The following CUX1 variants were observed in gnomAD, a reference collection of about 807,000 sequenced individuals.
CUX1 encodes protein CASP.
A neutral mutation model predicts 158.8 loss-of-function variants in CUX1; 31 were observed. The ratio of observed to expected loss-of-function variants is 0.20; its 90% CI spans 0.15 to 0.26. CUX1 has a LOEUF of 0.26. Ranked by LOEUF, CUX1 falls within the 10% of genes least tolerant of loss-of-function variation. CUX1 has a pLI of 1.00. For missense variants in CUX1, 1,589 were observed against 2,014.6 expected, an observed-to-expected ratio of 0.79 and a Z score of 4.04; for synonymous variants, 879 against 862.1, an observed-to-expected ratio of 1.02 and a Z score of -0.34.
At chr7:102,146,693 G>A (rs1835060549) in intron 8 of CUX1, among the ~76,000 whole-genome samples, 1 of 152,004 alleles carries the variant, frequency 6.6e-6, no homozygotes, top group African/African-American at 2.4e-5. Context: ...CACCTCCCAG[G>A]TTCAAGCAAT....
At chr7:102,113,629 C>T (rs569163899) in intron 7 of CUX1, among the ~76,000 whole-genome samples, 1 of 152,012 alleles carries the variant, frequency 6.6e-6, no homozygotes, top group African/African-American at 2.4e-5. Flanking sequence ...ACAATCATAG[C>T]TCATTGCAGC....
intron 21 of CUX1, among the ~76,000 whole-genome samples, chr7:102,229,774 C>A (rs1340485379): frequency 6.6e-6 from 1 of 151,926 alleles, no homozygotes; most frequent in Admixed American, 6.6e-5. Flanking sequence ...CCCACCACCA[C>A]GCCTGGCTAA....
intron 1 of CUX1, among the ~76,000 whole-genome samples, chr7:101,847,447 A>G (rs1252154617): frequency 6.6e-6 from 1 of 152,102 alleles, no homozygotes; most frequent in Non-Finnish European, 1.5e-5. Flanking sequence ...GGCAGACAGC[A>G]CATCTGATTT....
intron 8 of CUX1, among the ~76,000 whole-genome samples, chr7:102,152,016 C>T (rs1183948591): frequency 4.0e-5 from 6 of 151,842 alleles, no homozygotes; most frequent in African/African-American, 9.7e-5. Flanking sequence ...AGACCAGCCT[C>T]GGCAACATAG....
In CUX1 at chr7:102,215,695, G is replaced by C. The variant is rs782245620; in HGVS notation, c.3130+10525G>C. On this transcript the variant is annotated intron_variant, in intron 20 of 23. Coordinates refer to ENST00000292535, the MANE Select transcript of CUX1 (RefSeq NM_181552.4). ...CGAAAATCTCAACTTGGTTCTGCCC[G>C]GGTCTTTGTAGGGCCAAGTGAGTTC... is the stretch of plus-strand genomic sequence containing the variant. Among the ~76,000 whole-genome samples the C allele has an allele frequency of 6.6e-5, 10 of 152,082 alleles. 1 individual carries two copies. The highest frequency in any genetic ancestry group is 6.6e-4 in the Admixed American group (10 of 15,260).
In CUX1 at chr7:102,249,142, C is replaced by G; in HGVS notation, c.*100C>G. ...CGGACACCGTGGCCTGGGCTTGGCC[C>G]GCGGCCTGCACCGACCCCGGGCCGG... On this transcript the variant is annotated 3_prime_UTR_variant, in exon 24 of 24. Transcript: ENST00000292535. 1 of 1,160,636 alleles carries G rather than the reference C, an allele frequency of 8.6e-7. No individual in the cohort carries two copies. The highest frequency in any genetic ancestry group is 1.1e-6 in the Non-Finnish European group (1 of 940,188). 71.9% of individuals were successfully genotyped at this position (1,160,636 alleles called of 1,614,324 possible).
At chr7:101,867,360 C>T (rs1268541332) in intron 1 of CUX1, among the ~76,000 whole-genome samples, 1 of 152,206 alleles carries the variant, frequency 6.6e-6, no homozygotes, top group Non-Finnish European at 1.5e-5. Context: ...CTGCCCCAGG[C>T]ATCAAGGGAG....
At chr7:102,143,846 G>A (rs1471809511) in intron 8 of CUX1, among the ~76,000 whole-genome samples, 2 of 151,770 alleles carry the variant, frequency 1.3e-5, no homozygotes, top group Non-Finnish European at 2.9e-5. Context: ...GCCGTGGTGC[G>A]ATCTCAGCTC....
chr7:102,113,759 T>A (rs1831177522), intron 7 of CUX1, among the ~76,000 whole-genome samples: 2 of 151,840 alleles, frequency 1.3e-5, no homozygotes, highest in Admixed American at 1.3e-4. Flanking sequence ...GGACATGGAG[T>A]CTCACTGTGT....
At chr7:102,099,366 T>C (rs1348622797) in intron 5 of CUX1, among the ~76,000 whole-genome samples, 5 of 152,110 alleles carry the variant, frequency 3.3e-5, no homozygotes, top group Non-Finnish European at 7.4e-5. Context: ...TACCTTCCCT[T>C]GTAGGAAGCA....
chr7:101,989,677 A>G (rs1814846342), intron 2 of CUX1, among the ~76,000 whole-genome samples: 1 of 152,158 alleles, frequency 6.6e-6, no homozygotes, highest in African/African-American at 2.4e-5. Flanking sequence ...GTTTGGGGGA[A>G]TTTTGAAGGT....
At chr7:102,088,589 G>C (rs528733783) in intron 4 of CUX1, among the ~76,000 whole-genome samples, 7 of 152,248 alleles carry the variant, frequency 4.6e-5, no homozygotes, top group East Asian at 3.9e-4. Flanking sequence ...AGCTGAGATC[G>C]TGCCGCTGCA....
intron 20 of CUX1, among the ~76,000 whole-genome samples, chr7:102,216,635 A>T (rs868968632): frequency 1.7e-5 from 1 of 58,858 alleles, no homozygotes; most frequent in Non-Finnish European, 3.6e-5. Flanking sequence ...ACACACCCCC[A>T]CACACGCACA....
Position 102,130,542 on chromosome 7 carries a change from G to A in CUX1, c.674+15269G>A, listed in dbSNP as rs1193493639. 7.2e-5 allele frequency among the ~76,000 whole-genome samples: 11 copies of A among 152,124 alleles called. No homozygotes were observed. The East Asian group carries it at 9.7e-4, about 13-fold the overall frequency. On this transcript the variant is annotated intron_variant, in intron 8 of 23. Transcript: ENST00000292535. ...CTAAAAACACAAAAATTAGCTGGGC[G>A]TGGTGACGGGAGCTTGTAATCCCAG... is the stretch of plus-strand genomic sequence containing the variant.
chr7:101,928,130 T>C (rs868645360), intron 2 of CUX1, among the ~76,000 whole-genome samples: 1 of 152,236 alleles, frequency 6.6e-6, no homozygotes, highest in Non-Finnish European at 1.5e-5. Flanking sequence ...ATTAGATTCA[T>C]GTGCCCTGGA....
intron 2 of CUX1, among the ~76,000 whole-genome samples, chr7:102,022,438 C>T (rs1352003888): frequency 6.6e-6 from 1 of 151,676 alleles, no homozygotes; most frequent in Non-Finnish European, 1.5e-5. Flanking sequence ...GGCAACATGG[C>T]GAAACCCCGT....
At chr7:101,833,240 A>G (rs78361636) in intron 1 of CUX1, among the ~76,000 whole-genome samples, 1 of 143,818 alleles carries the variant, frequency 7.0e-6, no homozygotes, top group African/African-American at 2.6e-5. Flanking sequence ...ATCTCTACAG[A>G]AAAAAAAAAA....
At chr7:102,164,315 G>A (rs116767259) in intron 9 of CUX1, among the ~76,000 whole-genome samples, 243 of 152,324 alleles carry the variant, frequency 1.6e-3, no homozygotes, top group African/African-American at 5.7e-3. Flanking sequence ...GAGCTACTGC[G>A]CCCGGCTTTG....
intron 2 of CUX1, among the ~76,000 whole-genome samples, chr7:101,950,505 T>G (rs1808933421): frequency 6.6e-6 from 1 of 152,198 alleles, no homozygotes; most frequent in Non-Finnish European, 1.5e-5. Flanking sequence ...TTAGGTACAT[T>G]CAGTGTTGTG....
Sources: gnomAD v4.1 joint callset for allele counts (sites outside exome capture counted in the v4.1 genomes callset) on GRCh38, gnomAD v4.1.1 for gene constraint, MANE v1.5 for transcripts, NCBI Gene and HGNC (gene_info 2026-07-23, HGNC 2026-07-21) for gene names.